Variants in SLCO4A1 observed in about 807,000 individuals in gnomAD.
SLCO4A1 encodes the protein solute carrier organic anion transporter family member 4A1.
Under a neutral mutation model 64.6 loss-of-function variants are expected in SLCO4A1, and 51 were observed. The observed-to-expected ratio is 0.79, with a 90% CI of 0.63 to 1.00. SLCO4A1 has a LOEUF of 1.00. Ranked by LOEUF, SLCO4A1 falls within the 50% of genes least tolerant of loss-of-function variation. The pLI, the probability that SLCO4A1 is intolerant of heterozygous loss-of-function variation, is 0.00. For missense variants in SLCO4A1, 919 were observed against 980.5 expected (o/e 0.94, Z 0.84); for synonymous variants, 471 against 444.9 (o/e 1.06, Z -0.74).
intron 4 of SLCO4A1, among the ~76,000 whole-genome samples, 199 bp downstream of exon 4, chr20:62,660,732 T>C (rs1310894762): frequency 6.6e-6 from 1 of 152,234 alleles, no homozygotes; most frequent in Non-Finnish European, 1.5e-5. Context: ...GTGTCCATCC[T>C]GTCCTGTGGC....
intron 1 of SLCO4A1, among the ~76,000 whole-genome samples, chr20:62,646,796 G>A (rs559454628): frequency 7.2e-5 from 11 of 152,374 alleles, no homozygotes; most frequent in African/African-American, 2.6e-4. Flanking sequence ...GCCAGCCTCC[G>A]TCTTCTTCTC....
At chr20:62,660,352 G>A in intron 3 of SLCO4A1, 60 bp from the exon 4 acceptor site, 9 of 1,573,488 alleles carry the variant, frequency 5.7e-6, no homozygotes, top group Non-Finnish European at 7.7e-6. Context: ...CCCAGTGTGT[G>A]TGCCATGGAG....
chr20:62,661,041 C>CCCCCCCCCCCCCCCACACA lies in SLCO4A1; in HGVS notation c.1010-23_1010-22insCCCCCCCCCCCCCCACACA. ...TCCGGGAGCCCCCAGCCCCCAGCCC[C>CCCCCCCCCCCCCCCACACA]AGCTCACTCTGTGCCCTTCCAGGCT... On this transcript the variant is annotated intron_variant, in intron 4 of 11. Transcript: ENST00000217159. The surrounding 1 kb of genome is among the most constrained non-coding windows in gnomAD (Gnocchi z 5.2). 5 of 1,424,144 alleles carry CCCCCCCCCCCCCCCACACA rather than the reference C, an allele frequency of 3.5e-6. No homozygotes were observed. Among genetic ancestry groups the CCCCCCCCCCCCCCCACACA allele is most frequent in the Non-Finnish European group, 4.9e-6 (5 of 1,010,142 alleles). 88.2% of individuals were successfully genotyped at this position (1,424,144 alleles called of 1,614,324 possible). A position where few individuals can be genotyped will look rare whatever the true frequency, so the allele number is the denominator to read the frequency against.
At chr20:62,652,420 G>GCGGC (rs940390500) in intron 1 of SLCO4A1, among the ~76,000 whole-genome samples, 3 of 152,144 alleles carry the variant, frequency 2.0e-5, no homozygotes, top group African/African-American at 7.2e-5. Flanking sequence ...TCGGCGGCCG[G>GCGGC]CGGCCGGTGG....
chr20:62,673,509 C>T (rs922008788), downstream of SLCO4A1, among the ~76,000 whole-genome samples: 12 of 143,930 alleles, frequency 8.3e-5, 1 homozygote, highest in African/African-American at 3.0e-4. Context: ...ACAAGCAGGA[C>T]TTAGCACAGG....
Position 62,667,638 on chromosome 20 carries a change from C to T in SLCO4A1, c.1473-107C>T, listed in dbSNP as rs527740068. On this transcript the variant is annotated intron_variant, in intron 7 of 11. Coordinates refer to ENST00000217159, the MANE Select transcript of SLCO4A1 (RefSeq NM_016354.4). Reference sequence around the variant, plus strand: ...TGCAAGCTTGGCAAGTTTGTAGACCCGAAATGCAGGCTGCATGGGGACGAG... The same window carrying T: ...TGCAAGCTTGGCAAGTTTGTAGACCTGAAATGCAGGCTGCATGGGGACGAG... The T allele has an allele frequency of 3.9e-5, 54 of 1,371,400 alleles. No individual in the cohort carries two copies. In the African/African-American group the frequency reaches 6.7e-4, roughly 17 times the overall value. The allele number at this position is 1,371,400 out of a possible 1,614,324, so 85.0% of individuals were successfully genotyped here.
intron 3 of SLCO4A1, among the ~76,000 whole-genome samples, chr20:62,659,988 T>A (rs1243367358): frequency 6.6e-6 from 1 of 152,208 alleles, no homozygotes; most frequent in Non-Finnish European, 1.5e-5. Context: ...AACAGTCCCT[T>A]CGTGGGGAGC....
At chr20:62,678,783 C>A (rs1190758905) in intron 2 of SLCO4A1, among the ~76,000 whole-genome samples, 1 of 152,126 alleles carries the variant, frequency 6.6e-6, no homozygotes, top group African/African-American at 2.4e-5. Context: ...GGAGGCACCA[C>A]GCTGAGCAAA....
At position 62,685,515 on chromosome 20, in the gene SLCO4A1, C is replaced by T. The variant is rs1988029982; in HGVS notation, n.286C>T. Reference sequence around the variant, plus strand: ...CATAGATCTCCTTGAATTGGATTTTCACCAAGGCCGTGATGGATGTGGAGT... The same window carrying T: ...CATAGATCTCCTTGAATTGGATTTTTACCAAGGCCGTGATGGATGTGGAGT... On this transcript the variant is annotated non_coding_transcript_exon_variant, in exon 3 of 3. Transcript: ENST00000466818. The surrounding 1 kb of genome is among the most constrained non-coding windows in gnomAD (Gnocchi z 4.6). 1.1e-6 allele frequency: 1 copy of T among 921,212 alleles called. No homozygotes were observed. Among genetic ancestry groups the T allele is most frequent in the African/African-American group, 1.8e-5 (1 of 55,950 alleles). 57.1% of individuals were successfully genotyped at this position (921,212 alleles called of 1,614,324 possible).
At position 62,671,815 on chromosome 20, in the gene SLCO4A1, T is replaced by G. The variant is rs773749997; in HGVS notation, c.2091T>G (p.Asp697Glu). Residue 697 changes from aspartate to glutamate, a missense_variant, in exon 12 of 12, where the codon GAT (aspartate) becomes GAG (glutamate). Physicochemically the swap from Asp to Glu is conservative, Grantham distance 45. Transcript: ENST00000217159. ...FLYKPLSESSDGLETCLPSQS... is the reference protein window; with the variant it reads ...FLYKPLSESSEGLETCLPSQS... ...ACAAGCCCCTGTCGGAGTCTTCAGATGGCCTGGAAACTTGTCTGCCCAGCC... is the reference window on the plus strand; with the variant it reads ...ACAAGCCCCTGTCGGAGTCTTCAGAGGGCCTGGAAACTTGTCTGCCCAGCC... The G allele has an allele frequency of 1.1e-5, 17 of 1,613,594 alleles. No individual in the cohort carries two copies. The South Asian group carries it at 1.9e-4, about 18-fold the overall frequency.
downstream of SLCO4A1, among the ~76,000 whole-genome samples, chr20:62,676,171 T>A (rs1374099704): frequency 6.6e-6 from 1 of 152,110 alleles, no homozygotes; most frequent in African/African-American, 2.4e-5. Flanking sequence ...TCCCAGCACT[T>A]TGGGAGGCTG....
chr20:62,673,727 G>C (rs1025414249), downstream of SLCO4A1, among the ~76,000 whole-genome samples: 1 of 103,860 alleles, frequency 9.6e-6, no homozygotes, highest in South Asian at 2.8e-4. Flanking sequence ...GGCCTTCAAG[G>C]ACTGGAATCC....
chr20:62,648,417 G>A (rs1233781433), intron 1 of SLCO4A1, among the ~76,000 whole-genome samples: 1 of 152,260 alleles, frequency 6.6e-6, no homozygotes, highest in Admixed American at 6.5e-5. Flanking sequence ...GGGGCCTGAA[G>A]TGGCTCACGG....
intron 7 of SLCO4A1, 83 bp downstream of exon 7, chr20:62,666,658 C>T: frequency 1.6e-6 from 2 of 1,229,890 alleles, no homozygotes. Flanking sequence ...TGGTGCAGCA[C>T]TTGGGAGAGG....
At position 62,666,405 on chromosome 20, in the gene SLCO4A1, T is replaced by C. The variant is rs1435487865; in HGVS notation, c.1302T>C (p.Gly434=). The part of the protein sequence containing the change: ...LFGYLVVPAG[G]GGTFLGGFFV... ...GGTACCTGGTGGTGCCAGCGGGTGG[T>C]GGCGGCACCTTCCTGGGCGGCTTCT... The change falls in exon 7 of 12, where the codon GGT becomes GGC. Residue 434 remains glycine, a synonymous_variant. Transcript: ENST00000217159. 4 of 1,612,694 alleles carry C rather than the reference T, an allele frequency of 2.5e-6. No individual in the cohort carries two copies. The highest frequency in any genetic ancestry group is 2.5e-6 in the Non-Finnish European group (3 of 1,179,878).
chr20:62,677,438 C>T (rs150190102), intron 2 of SLCO4A1, among the ~76,000 whole-genome samples: 2 of 152,304 alleles, frequency 1.3e-5, no homozygotes, highest in East Asian at 1.9e-4. Flanking sequence ...TGTTCCATAA[C>T]TGCAACTCTG....
At chr20:62,678,395 C>T (rs981526595) in intron 2 of SLCO4A1, among the ~76,000 whole-genome samples, 10 of 152,190 alleles carry the variant, frequency 6.6e-5, no homozygotes, top group East Asian at 3.9e-4. Context: ...GCAATACGGC[C>T]GCTCGGGAAC....
chr20:62,670,623 G>A (rs1987083445), intron 11 of SLCO4A1, among the ~76,000 whole-genome samples: 1 of 152,176 alleles, frequency 6.6e-6, no homozygotes, highest in African/African-American at 2.4e-5. Flanking sequence ...ACTTTCCCAG[G>A]GAGCCGTCCC....
intron 3 of SLCO4A1, 107 bp from the exon 4 acceptor site, chr20:62,660,305 G>C: frequency 7.4e-7 from 1 of 1,358,198 alleles, no homozygotes; most frequent in African/African-American, 1.5e-5. Flanking sequence ...CGTGCAGACA[G>C]ACCCTGGAGG....
Sources: allele counts gnomAD v4.1 joint callset (sites outside exome capture counted in the v4.1 genomes callset), GRCh38; gene constraint gnomAD v4.1.1; non-coding constraint Gnocchi (gnomAD v3.1); transcripts MANE v1.5; gene names NCBI Gene and HGNC (gene_info 2026-07-23, HGNC 2026-07-21).